The following KIAA2012 variants were observed in gnomAD, a reference collection of about 807,000 sequenced individuals.
KIAA2012 encodes KIAA2012.
KIAA2012 carries 125 observed loss-of-function variants against 150.6 expected under a neutral mutation model. That is an observed-to-expected ratio of 0.83 (90% CI 0.72 to 0.96). The LOEUF (loss-of-function observed/expected upper bound fraction) is 0.96, where lower values mean the gene tolerates loss of function less well. Ranked by LOEUF, KIAA2012 falls within the 40% of genes least tolerant of loss-of-function variation. KIAA2012 has a pLI of 0.00. For synonymous variants in KIAA2012, 462 were observed against 504.7 expected, an observed-to-expected ratio of 0.92 and a Z score of 1.13; for missense variants, 1,219 against 1,354.9, an observed-to-expected ratio of 0.90 and a Z score of 1.57.
Position 202,191,516 on chromosome 2 carries a change from G to A in KIAA2012, c.2811+1023G>A, listed in dbSNP as rs372331218. Among the ~76,000 whole-genome samples the A allele has an allele frequency of 1.3e-4, 19 of 149,860 alleles. 1 individual carries two copies. The highest frequency in any genetic ancestry group is 7.4e-4 in the Admixed American group (11 of 14,912). On this transcript the variant is annotated intron_variant, in intron 19 of 23. Transcript: ENST00000498697. ...GCTATGATTATGCCACTACACTCCA[G>A]CCTGAGCAACAGAACAAGACTCTAT...
chr2:202,157,984 C>T (rs925678843), intron 14 of KIAA2012, among the ~76,000 whole-genome samples: 4 of 152,080 alleles, frequency 2.6e-5, no homozygotes, highest in African/African-American at 7.2e-5. Context: ...ACTGATCATT[C>T]GGTTCCCCTC....
intron 15 of KIAA2012, chr2:202,179,311 C>T: frequency 1.7e-6 from 2 of 1,196,494 alleles, no homozygotes; most frequent in Non-Finnish European, 2.4e-6. Flanking sequence ...GAGCGCGGTA[C>T]GGCTTTTCGC....
rs563780677 is a variant in KIAA2012, at chr2:202,150,491, G to A, written c.1909-4182G>A. Among the ~76,000 whole-genome samples, 839 of 151,132 alleles carry A rather than the reference G, an allele frequency of 5.6e-3. 5 individuals carry two copies. Among genetic ancestry groups the A allele is most frequent in the Middle Eastern group, 0.017 (5 of 294 alleles). ...TGAGACAGAGTCTCGCTCTGTCGCC[G>A]AGGCTGGAGTGCAGTGGCGCGATCT... On this transcript the variant is annotated intron_variant, in intron 13 of 23. Coordinates refer to ENST00000498697, the MANE Select transcript of KIAA2012 (RefSeq NM_001277372.4).
At chr2:202,190,132 G>C (rs751649753) in intron 18 of KIAA2012, 42 bp from the exon 19 acceptor site, 8 of 1,442,176 alleles carry the variant, frequency 5.5e-6, no homozygotes, top group Non-Finnish European at 6.4e-6. Flanking sequence ...ATCACATTAA[G>C]TTAACTCAGC....
At chr2:202,135,971 T>C in intron 12 of KIAA2012, 1 of 267,646 alleles carries the variant, frequency 3.7e-6, no homozygotes, top group Non-Finnish European at 7.9e-6. Flanking sequence ...GGGCCTCAGT[T>C]TCCCCCAAGC....
At chr2:202,199,401 G>T (rs917396145) in intron 22 of KIAA2012, among the ~76,000 whole-genome samples, 10 of 152,126 alleles carry the variant, frequency 6.6e-5, no homozygotes, top group African/African-American at 9.7e-5. Context: ...CTCCCAAGTA[G>T]CTGGGAGTAC....
intron 2 of KIAA2012, among the ~76,000 whole-genome samples, chr2:202,075,540 A>T (rs1246328236): frequency 1.3e-5 from 2 of 152,232 alleles, no homozygotes; most frequent in Non-Finnish European, 2.9e-5. Flanking sequence ...CACAAGCATC[A>T]TCATCCCACC....
chr2:202,182,330 C>T (rs148691203), intron 15 of KIAA2012, among the ~76,000 whole-genome samples: 415 of 151,870 alleles, frequency 2.7e-3, no homozygotes, highest in Non-Finnish European at 4.8e-3. Context: ...AGGCTGGTCT[C>T]GAACTCCCAA....
At chr2:202,187,219 G>A (rs1236053988) in intron 17 of KIAA2012, 121 bp downstream of exon 17, 2 of 1,102,508 alleles carry the variant, frequency 1.8e-6, no homozygotes, top group Non-Finnish European at 1.3e-6. Flanking sequence ...GATGAGGGGG[G>A]CACTGAGGTC....
intron 7 of KIAA2012, 68 bp downstream of exon 7, chr2:202,100,517 C>A: frequency 6.8e-7 from 1 of 1,464,264 alleles, no homozygotes; most frequent in South Asian, 1.4e-5. Context: ...AAGTTTAATC[C>A]TAATCTAGAA....
chr2:202,077,313 C>G (rs912204061), intron 2 of KIAA2012, among the ~76,000 whole-genome samples: 2 of 152,114 alleles, frequency 1.3e-5, no homozygotes, highest in Non-Finnish European at 1.5e-5. Context: ...ACTCACTGCC[C>G]AGAGTAAGAA....
Position 202,099,812 on chromosome 2 carries a change from T to C in KIAA2012, c.1012+16T>C. 1 of 1,540,256 alleles carries C rather than the reference T, an allele frequency of 6.5e-7. No individual in the cohort carries two copies. The highest frequency in any genetic ancestry group is 1.4e-5 in the African/African-American group (1 of 72,734). On this transcript the variant is annotated intron_variant, in intron 6 of 23. Coordinates refer to ENST00000498697, the MANE Select transcript of KIAA2012 (RefSeq NM_001277372.4). ...GATCTCAGCGGTAAGAACTCAAATG[T>C]CTTGCTCATTGATCTGGGTAAAGCC...
At chr2:202,113,113 C>A (rs1037461853) in intron 10 of KIAA2012, among the ~76,000 whole-genome samples, 3 of 152,178 alleles carry the variant, frequency 2.0e-5, no homozygotes, top group African/African-American at 7.2e-5. Context: ...GGTAGCCCCT[C>A]CCTGTTCATC....
Position 202,193,474 on chromosome 2 carries a change from G to GGA in KIAA2012, c.2987_2988dup (p.Gln997SerfsTer11). 1 of 1,550,236 alleles carries GGA rather than the reference G, an allele frequency of 6.5e-7. No homozygotes were observed. Among genetic ancestry groups the GGA allele is most frequent in the Non-Finnish European group, 8.7e-7 (1 of 1,146,890 alleles). On this transcript the variant is annotated frameshift_variant, in exon 20 of 24. Transcript: ENST00000498697. LOFTEE classifies it high-confidence loss of function. The stretch of plus-strand genomic sequence containing the variant: ...AAAAGATGGAGGAGGAGCTGGAGCT[G>GGA]GAGCAGCAGAGACGTACAGAAGAGA...
At chr2:202,149,417 G>C (rs1691376483) in intron 13 of KIAA2012, among the ~76,000 whole-genome samples, 1 of 152,198 alleles carries the variant, frequency 6.6e-6, no homozygotes, top group South Asian at 2.1e-4. Flanking sequence ...CGGGGTGTGT[G>C]CCCCAGCACA....
At chr2:202,148,639 G>A (rs550045810) in intron 13 of KIAA2012, among the ~76,000 whole-genome samples, 104 of 152,246 alleles carry the variant, frequency 6.8e-4, no homozygotes, top group African/African-American at 2.4e-3. Flanking sequence ...GCTGTGGCTC[G>A]GGGGTTCTGC....
chr2:202,196,679 A>G, intron 21 of KIAA2012, 121 bp from the exon 22 acceptor site: 1 of 1,296,980 alleles, frequency 7.7e-7, no homozygotes, highest in Non-Finnish European at 1.0e-6. Flanking sequence ...GCCTGCTAGC[A>G]GGTCAACTGC....
Position 202,186,954 on chromosome 2 carries a change from C to T in KIAA2012, c.2232C>T (p.His744=). 1.3e-6 allele frequency: 2 copies of T among 1,550,592 alleles called. No homozygotes were observed. Among genetic ancestry groups the T allele is most frequent in the South Asian group, 2.4e-5 (2 of 84,056 alleles). ...AAAGGGGCAGAGATTATGATGTACA[C>T]CACCTACACAGAGGACTTCTGGGAT... ...VQKVGRDYDV[H]HLHRGLLGYG... is the part of the protein sequence containing the mutation. The change falls in exon 17 of 24, where the codon CAC becomes CAT. Residue 744 remains histidine (H), a synonymous_variant. Transcript: ENST00000498697.
chr2:202,083,133 A>G (rs966597359), intron 2 of KIAA2012, among the ~76,000 whole-genome samples: 9 of 152,216 alleles, frequency 5.9e-5, no homozygotes, highest in African/African-American at 1.9e-4. Flanking sequence ...ACAACACTGC[A>G]TTAATGAGAA....
Sources: allele counts gnomAD v4.1 joint callset (sites outside exome capture counted in the v4.1 genomes callset), GRCh38; gene constraint gnomAD v4.1.1; transcripts MANE v1.5; gene names NCBI Gene and HGNC (gene_info 2026-07-23, HGNC 2026-07-21).